HTR7: variants seen among roughly 807,000 people sequenced by gnomAD.
The protein encoded by HTR7 is 5-hydroxytryptamine receptor 7.
HTR7 carries 16 observed loss-of-function variants against 34.0 expected under a neutral mutation model. That is an observed-to-expected ratio of 0.47 (90% CI 0.32 to 0.71). The LOEUF (loss-of-function observed/expected upper bound fraction) is 0.71, where lower values mean the gene tolerates loss of function less well. Among genes scored for constraint, HTR7 ranks in the 30% least tolerant of loss-of-function variants. The probability of loss-of-function intolerance (pLI) is 0.04; values close to 1 mark genes in which losing one functional copy is unlikely to be tolerated. For synonymous variants in HTR7, 265 were observed against 260.2 expected, an observed-to-expected ratio of 1.02 and a Z score of -0.18; for missense variants, 504 against 625.5, an observed-to-expected ratio of 0.81 and a Z score of 2.07.
Position 90,857,647 on chromosome 10 carries a change from G to C in HTR7, c.25C>G (p.Arg9Gly), listed in dbSNP as rs1051951325. Reference sequence around the variant, plus strand: ...CGGAGGTGCCCGTAGAGGTCCGGGCGGCCGCTGCTGTTAACGTCCATCATC... The same window carrying C: ...CGGAGGTGCCCGTAGAGGTCCGGGCCGCCGCTGCTGTTAACGTCCATCATC... Reference protein sequence around the residue: MMDVNSSGRPDLYGHLRSF... With the variant: MMDVNSSGGPDLYGHLRSF... The change falls in exon 1 of 4, where the codon CGC becomes GGC. Residue 9 changes from arginine (R) to glycine (G), a missense_variant. Transcript: ENST00000336152. This position sits in a 1 kb window ranked among gnomAD's most constrained non-coding sequence, Gnocchi z 6.5. 9 of 1,589,858 alleles carry C rather than the reference G, an allele frequency of 5.7e-6. No homozygotes were observed. Among genetic ancestry groups the C allele is most frequent in the African/African-American group, 1.4e-5 (1 of 73,798 alleles).
intron 1 of HTR7, among the ~76,000 whole-genome samples, chr10:90,824,700 C>T (rs1846042840): frequency 6.6e-6 from 1 of 152,188 alleles, no homozygotes; most frequent in Non-Finnish European, 1.5e-5. Flanking sequence ...TGAAAAGCTC[C>T]TGGGCCTTAA....
At chr10:90,743,974 G>T (rs1356449454) in intron 2 of HTR7, 2 of 575,800 alleles carry the variant, frequency 3.5e-6, no homozygotes, top group African/African-American at 3.7e-5. Context: ...GGGAGAAATG[G>T]GTAAATATTT....
At chr10:90,820,620 C>T (rs1330476570) in intron 1 of HTR7, among the ~76,000 whole-genome samples, 1 of 152,188 alleles carries the variant, frequency 6.6e-6, no homozygotes, top group Non-Finnish European at 1.5e-5. Flanking sequence ...AAAACGTCAA[C>T]ATAGGTCCTA....
intron 1 of HTR7, among the ~76,000 whole-genome samples, chr10:90,759,464 G>A (rs923182703): frequency 5.3e-4 from 79 of 150,100 alleles, no homozygotes; most frequent in Middle Eastern, 3.4e-3. Context: ...GACCATCCTG[G>A]CTAACAAGGT....
intron 1 of HTR7, among the ~76,000 whole-genome samples, chr10:90,820,927 T>C (rs1243256584): frequency 6.6e-6 from 1 of 152,136 alleles, no homozygotes; most frequent in Non-Finnish European, 1.5e-5. Flanking sequence ...CAAAAAACCC[T>C]ATGAGGAAGG....
chr10:90,815,606 A>G (rs1845887095), intron 1 of HTR7, among the ~76,000 whole-genome samples: 1 of 152,212 alleles, frequency 6.6e-6, no homozygotes, highest in African/African-American at 2.4e-5. Context: ...TGGGAAGAAT[A>G]GCTAATGAAC....
chr10:90,846,158 T>G (rs74148885), intron 1 of HTR7, among the ~76,000 whole-genome samples: 24,494 of 152,186 alleles, frequency 0.16, 1,979 homozygotes, highest in African/African-American at 0.17. Flanking sequence ...GGGACCTAAG[T>G]CTAAACACAA....
At chr10:90,790,796 T>C (rs779544924) in intron 1 of HTR7, among the ~76,000 whole-genome samples, 14 of 151,896 alleles carry the variant, frequency 9.2e-5, no homozygotes, top group Non-Finnish European at 1.8e-4. Context: ...ATTTTCTCAA[T>C]ATTATGCAGA....
intron 1 of HTR7, among the ~76,000 whole-genome samples, chr10:90,844,030 G>A (rs182948390): frequency 6.6e-6 from 1 of 152,324 alleles, no homozygotes; most frequent in East Asian, 1.9e-4. Context: ...GCAGAGTTGA[G>A]GAGTTGCAAC....
At chr10:90,794,879 C>A (rs1401745270) in intron 1 of HTR7, among the ~76,000 whole-genome samples, 1 of 152,302 alleles carries the variant, frequency 6.6e-6, no homozygotes. Flanking sequence ...ACCACAAACA[C>A]GTGAGTAAGG....
chr10:90,781,412 T>G (rs886339799), intron 1 of HTR7, among the ~76,000 whole-genome samples: 2 of 152,146 alleles, frequency 1.3e-5, no homozygotes, highest in African/African-American at 2.4e-5. Flanking sequence ...AATAACTCTT[T>G]CGAAGAGAAA....
chr10:90,780,798 G>A (rs956629992), intron 1 of HTR7, among the ~76,000 whole-genome samples: 60 of 152,082 alleles, frequency 3.9e-4, no homozygotes, highest in Non-Finnish European at 5.4e-4. Context: ...AAAATCCAAC[G>A]GGATTGTTGG....
chr10:90,834,977 G>A (rs997618142), intron 1 of HTR7, among the ~76,000 whole-genome samples: 3 of 152,094 alleles, frequency 2.0e-5, no homozygotes, highest in Non-Finnish European at 4.4e-5. Context: ...TCGTCTCCTA[G>A]GAATTTTCCA....
intron 1 of HTR7, among the ~76,000 whole-genome samples, chr10:90,845,336 T>C (rs1308209278): frequency 4.6e-5 from 7 of 152,180 alleles, no homozygotes; most frequent in Non-Finnish European, 1.0e-4. Context: ...CCTTGAATGC[T>C]ATCCTAACAA....
At chr10:90,752,422 G>GA (rs1844752960) in intron 1 of HTR7, among the ~76,000 whole-genome samples, 4 of 151,990 alleles carry the variant, frequency 2.6e-5, no homozygotes, top group South Asian at 4.2e-4. Context: ...ATCCATGGGG[G>GA]AAAAAACTTG....
chr10:90,773,392 T>C (rs1845149560), intron 1 of HTR7, among the ~76,000 whole-genome samples: 1 of 152,162 alleles, frequency 6.6e-6, no homozygotes, highest in African/African-American at 2.4e-5. Flanking sequence ...AATACAGACA[T>C]GCAATGTATA....
intron 1 of HTR7, among the ~76,000 whole-genome samples, chr10:90,851,687 G>C (rs575559939): frequency 6.6e-6 from 1 of 151,026 alleles, no homozygotes; most frequent in African/African-American, 2.4e-5. Context: ...TTTGTCACTA[G>C]CAAACCCTCA....
At chr10:90,762,960 T>C (rs1185957683) in intron 1 of HTR7, among the ~76,000 whole-genome samples, 2 of 152,226 alleles carry the variant, frequency 1.3e-5, no homozygotes, top group African/African-American at 2.4e-5. Context: ...GAGGTTTCCA[T>C]GGATTCCATG....
At chr10:90,785,461 T>C (rs964726416) in intron 1 of HTR7, among the ~76,000 whole-genome samples, 4 of 152,134 alleles carry the variant, frequency 2.6e-5, no homozygotes, top group African/African-American at 7.2e-5. Flanking sequence ...TCAAACCCTA[T>C]ATGTAAATTC....
Sources: allele counts gnomAD v4.1 joint callset (sites outside exome capture counted in the v4.1 genomes callset), GRCh38; gene constraint gnomAD v4.1.1; non-coding constraint Gnocchi (gnomAD v3.1); transcripts MANE v1.5; gene names NCBI Gene and HGNC (gene_info 2026-07-23, HGNC 2026-07-21).